MANBA: variants seen among roughly 807,000 people sequenced by gnomAD.
MANBA encodes the protein mannosidase beta, also known as beta-mannosidase.
MANBA carries 83 observed loss-of-function variants against 111.1 expected under a neutral mutation model. That is an observed-to-expected ratio of 0.75 (90% CI 0.63 to 0.90). The LOEUF is 0.90. Ranked by LOEUF, MANBA falls within the 40% of genes least tolerant of loss-of-function variation. The pLI is 0.00. For missense variants in MANBA, 1,036 were observed against 1,069.0 expected (o/e 0.97, Z 0.43); for synonymous variants, 370 against 378.7 (o/e 0.98, Z 0.27).
intron 1 of MANBA, among the ~76,000 whole-genome samples, chr4:102,745,986 A>C (rs1014362988): frequency 2.0e-5 from 3 of 152,160 alleles, no homozygotes; most frequent in African/African-American, 7.2e-5. Flanking sequence ...CCTGAGGAGA[A>C]TCAACGTTAT....
intron 9 of MANBA, among the ~76,000 whole-genome samples, chr4:102,669,595 G>A (rs528381240): frequency 4.6e-5 from 7 of 152,234 alleles, no homozygotes; most frequent in Non-Finnish European, 8.8e-5. Context: ...TGTAATCCCA[G>A]CACTTTGGGA....
chr4:102,640,406 A>G (rs1729829216), intron 13 of MANBA, among the ~76,000 whole-genome samples: 1 of 152,190 alleles, frequency 6.6e-6, no homozygotes, highest in Non-Finnish European at 1.5e-5. Flanking sequence ...CATGAATGCA[A>G]TTCCTTCGTT....
chr4:102,734,480 C>T lies in MANBA; in HGVS notation c.178-7797G>A, dbSNP rs566480339. Reference sequence around the variant, plus strand: ...AGCTCATCTGTGTGCTGGCCATCATCATACCCATTCCCAAGTTCCACGAGG... The same window carrying T: ...AGCTCATCTGTGTGCTGGCCATCATTATACCCATTCCCAAGTTCCACGAGG... On this transcript the variant is annotated intron_variant, in intron 1 of 16. Coordinates refer to ENST00000647097, the MANE Select transcript of MANBA (RefSeq NM_005908.4). The T allele has an allele frequency of 2.1e-5, 34 of 1,604,318 alleles. No individual in the cohort carries two copies. In the South Asian group the frequency reaches 3.7e-4, roughly 18 times the overall value.
At chr4:102,757,446 A>G (rs1326326314) in intron 1 of MANBA, among the ~76,000 whole-genome samples, 1 of 152,192 alleles carries the variant, frequency 6.6e-6, no homozygotes, top group Non-Finnish European at 1.5e-5. Flanking sequence ...CCTAGGAAAT[A>G]GCCAAGACTA....
intron 1 of MANBA, among the ~76,000 whole-genome samples, chr4:102,737,976 C>T (rs1342006351): frequency 1.3e-5 from 2 of 152,178 alleles, no homozygotes; most frequent in African/African-American, 2.4e-5. Flanking sequence ...CAGACCTGGT[C>T]GCCAAAGACA....
At chr4:102,674,254 G>T (rs1731624833) in intron 7 of MANBA, among the ~76,000 whole-genome samples, 184 bp from the exon 8 acceptor site, 1 of 152,094 alleles carries the variant, frequency 6.6e-6, no homozygotes, top group African/African-American at 2.4e-5. Context: ...ATTATTGCTA[G>T]CATCCGTTAT....
At chr4:102,731,772 C>T (rs755523794) in intron 1 of MANBA, among the ~76,000 whole-genome samples, 9 of 152,128 alleles carry the variant, frequency 5.9e-5, no homozygotes, top group Non-Finnish European at 1.3e-4. Context: ...ATTTACTGAA[C>T]GTGTTTGCTA....
intron 1 of MANBA, among the ~76,000 whole-genome samples, chr4:102,743,040 G>T (rs557725248): frequency 1.3e-5 from 2 of 152,340 alleles, no homozygotes; most frequent in African/African-American, 4.8e-5. Flanking sequence ...GCAATGACAG[G>T]GATGGCTGGG....
intron 16 of MANBA, among the ~76,000 whole-genome samples, chr4:102,634,463 A>G (rs1729525760): frequency 2.9e-5 from 4 of 137,442 alleles, no homozygotes; most frequent in Middle Eastern, 3.8e-3. Context: ...GAGGTGAAGC[A>G]CCTAGAACAC....
chr4:102,734,653 G>T, intron 1 of MANBA: 1 of 1,434,678 alleles, frequency 7.0e-7, no homozygotes, highest in East Asian at 2.3e-5. Context: ...CAGGGAGAGG[G>T]CCTTGGGGAC....
At chr4:102,657,231 G>GGA (rs1730602270) in intron 12 of MANBA, among the ~76,000 whole-genome samples, 1 of 110,252 alleles carries the variant, frequency 9.1e-6, no homozygotes, top group Non-Finnish European at 1.9e-5. Context: ...GTGGGGGGGG[G>GGA]GTGGGCGGTG....
chr4:102,729,369 C>A, intron 1 of MANBA: 1 of 792,674 alleles, frequency 1.3e-6, no homozygotes, highest in East Asian at 2.4e-5. Context: ...TGGCGATCTC[C>A]TCGTATGGTG....
chr4:102,716,747 T>TG (rs1224576761), intron 4 of MANBA, among the ~76,000 whole-genome samples: 3 of 152,108 alleles, frequency 2.0e-5, no homozygotes, highest in Non-Finnish European at 4.4e-5. Flanking sequence ...ATACATTTTA[T>TG]GGGGGGAAAA....
At chr4:102,657,550 C>T (rs1270148861) in intron 12 of MANBA, 132 bp downstream of exon 12, 15 of 765,956 alleles carry the variant, frequency 2.0e-5, no homozygotes, top group Non-Finnish European at 3.2e-5. Context: ...AAATTATTTT[C>T]CTCCATCTTC....
At chr4:102,721,216 CAG>C (rs1207528560) in intron 4 of MANBA, among the ~76,000 whole-genome samples, 1 of 152,088 alleles carries the variant, frequency 6.6e-6, no homozygotes, top group Non-Finnish European at 1.5e-5. Context: ...CCCAGCTACT[CAG>C]GGGGCTGAGG....
At chr4:102,750,014 G>T (rs896797952) in intron 1 of MANBA, among the ~76,000 whole-genome samples, 6 of 151,810 alleles carry the variant, frequency 4.0e-5, no homozygotes, top group African/African-American at 1.5e-4. Flanking sequence ...TAAACTATCT[G>T]TTTTTTTTAA....
chr4:102,745,970 G>T (rs1433584586), intron 1 of MANBA, among the ~76,000 whole-genome samples: 1 of 152,190 alleles, frequency 6.6e-6, no homozygotes, highest in Non-Finnish European at 1.5e-5. Context: ...GGTGTTGGGG[G>T]TGGCTCCTGA....
chr4:102,671,094 A>G, intron 9 of MANBA, 187 bp downstream of exon 9: 1 of 516,488 alleles, frequency 1.9e-6, no homozygotes, highest in Non-Finnish European at 3.5e-6. Context: ...CTATCATTTA[A>G]AAATAAATAA....
chr4:102,653,081 T>C (rs150217856), intron 12 of MANBA, among the ~76,000 whole-genome samples: 18 of 152,254 alleles, frequency 1.2e-4, no homozygotes, highest in African/African-American at 3.9e-4. Context: ...ACAAATCATA[T>C]GGTTAAAATG....
Sources: allele counts gnomAD v4.1 joint callset (sites outside exome capture counted in the v4.1 genomes callset), GRCh38; gene constraint gnomAD v4.1.1; transcripts MANE v1.5; gene names NCBI Gene and HGNC (gene_info 2026-07-23, HGNC 2026-07-21).